COL4A2: variants seen among roughly 807,000 people sequenced by gnomAD.
COL4A2 encodes collagen type IV alpha 2 chain, also known as collagen alpha-2(IV) chain.
In COL4A2, 99 loss-of-function variants were observed where a neutral mutation model predicts 200.2. The observed-to-expected ratio is 0.49, with a 90% CI of 0.42 to 0.58. The LOEUF is 0.58. Among genes scored for constraint, COL4A2 ranks in the 20% least tolerant of loss-of-function variants. The probability of loss-of-function intolerance (pLI) is 0.00; values close to 1 mark genes in which losing one functional copy is unlikely to be tolerated. For synonymous variants in COL4A2, 897 were observed against 900.6 expected (o/e 1.00, Z 0.07); for missense variants, 1,950 against 2,314.1 (o/e 0.84, Z 3.23).
chr13:110,503,307 C>T, intron 42 of COL4A2, 25 bp downstream of exon 42: 1 of 1,594,584 alleles, frequency 6.3e-7, no homozygotes, highest in Non-Finnish European at 8.5e-7. Flanking sequence ...GGCCATGGGC[C>T]AGCAGCCCTG....
intron 4 of COL4A2, among the ~76,000 whole-genome samples, chr13:110,389,739 A>G (rs927434277): frequency 4.6e-5 from 7 of 152,188 alleles, no homozygotes; most frequent in African/African-American, 1.7e-4. Context: ...GCTGCTGTTC[A>G]GGGCCTCCTT....
rs77189736 is a variant in COL4A2, at chr13:110,385,609, A to G, written c.180+28057A>G. Reference sequence around the variant, plus strand: ...TAGGCCGTGGTTACAGTGTGTGGATAGGCCGTGGCTACAGTGTGTGGATAG... The same window carrying G: ...TAGGCCGTGGTTACAGTGTGTGGATGGGCCGTGGCTACAGTGTGTGGATAG... On this transcript the variant is annotated intron_variant, in intron 4 of 47. Coordinates refer to ENST00000360467, the MANE Select transcript of COL4A2 (RefSeq NM_001846.4). Among the ~76,000 whole-genome samples, 39 of 47,420 alleles carry G rather than the reference A, an allele frequency of 8.2e-4. 17 individuals carry two copies. The highest frequency in any genetic ancestry group is 1.2e-3 in the Non-Finnish European group (22 of 18,482). 31.1% of individuals were successfully genotyped at this position (47,420 alleles called of 152,430 possible).
intron 4 of COL4A2, among the ~76,000 whole-genome samples, chr13:110,415,468 G>A (rs1880004583): frequency 6.6e-6 from 1 of 152,024 alleles, no homozygotes; most frequent in Non-Finnish European, 1.5e-5. Context: ...AGATAAGAGG[G>A]GAAAAAAGCT....
chr13:110,423,959 C>A (rs944017660), intron 4 of COL4A2, among the ~76,000 whole-genome samples: 4 of 152,182 alleles, frequency 2.6e-5, no homozygotes, highest in African/African-American at 9.7e-5. Flanking sequence ...TTGTTGGACA[C>A]TTGAGTGGTT....
At chr13:110,393,294 T>A (rs762871941) in intron 4 of COL4A2, among the ~76,000 whole-genome samples, 1 of 152,228 alleles carries the variant, frequency 6.6e-6, no homozygotes, top group African/African-American at 2.4e-5. Flanking sequence ...AACCTTTCGC[T>A]GGCTCAATTT....
intron 16 of COL4A2, among the ~76,000 whole-genome samples, chr13:110,440,296 A>T (rs1466095366): frequency 6.6e-6 from 1 of 152,108 alleles, no homozygotes; most frequent in Non-Finnish European, 1.5e-5. Flanking sequence ...GAAAAATGTT[A>T]TGTAAGAAAT....
intron 46 of COL4A2, among the ~76,000 whole-genome samples, chr13:110,506,996 C>T (rs1594117261): frequency 6.6e-6 from 1 of 152,302 alleles, no homozygotes; most frequent in East Asian, 1.9e-4. Context: ...GTAAGACTCT[C>T]CCATACAGCC....
At chr13:110,509,270 T>TATATATACACACACACACACACACACAC (rs1435137108) in intron 47 of COL4A2, among the ~76,000 whole-genome samples, 9 of 115,576 alleles carry the variant, frequency 7.8e-5, no homozygotes, top group African/African-American at 2.8e-4. Flanking sequence ...TATATATATA[T>TATATATACACACACACACACACACACAC]ACACACACAC....
At chr13:110,434,529 G>A in intron 12 of COL4A2, 87 bp downstream of exon 12, 3 of 1,408,870 alleles carry the variant, frequency 2.1e-6, no homozygotes, top group Non-Finnish European at 2.0e-6. Context: ...GTTCTGTGCT[G>A]TAAAACTTTT....
chr13:110,502,173 C>A (rs1408101349), intron 41 of COL4A2, among the ~76,000 whole-genome samples: 3 of 152,178 alleles, frequency 2.0e-5, no homozygotes, highest in Non-Finnish European at 4.4e-5. Flanking sequence ...ACCCGTCAAA[C>A]AAGTGTTTGT....
At chr13:110,438,512 C>CG in intron 14 of COL4A2, 106 bp from the exon 15 acceptor site, 1 of 1,443,384 alleles carries the variant, frequency 6.9e-7, no homozygotes, top group East Asian at 2.3e-5. Context: ...TGGACACCAT[C>CG]GGGGCTGAGA....
At chr13:110,482,737 C>A (rs892620396) in intron 32 of COL4A2, 78 bp downstream of exon 32, 50 of 1,473,780 alleles carry the variant, frequency 3.4e-5, no homozygotes, top group Non-Finnish European at 4.2e-5. Context: ...CATAACATTG[C>A]CCAGAATGAA....
chr13:110,375,453 T>C (rs181414639), intron 4 of COL4A2, among the ~76,000 whole-genome samples: 2 of 152,246 alleles, frequency 1.3e-5, no homozygotes, highest in East Asian at 1.9e-4. Flanking sequence ...GCAGGGACTG[T>C]TGGGTTTGTG....
In COL4A2 at chr13:110,307,971, C is replaced by T. The variant is rs541822832; in HGVS notation, c.44+24C>T. 1.9e-6 allele frequency: 3 copies of T among 1,612,366 alleles called. No individual in the cohort carries two copies. Among genetic ancestry groups the T allele is most frequent in the East Asian group, 2.2e-5 (1 of 44,838 alleles). On this transcript the variant is annotated intron_variant, in intron 2 of 47. Transcript: ENST00000360467. The surrounding 1 kb of genome is among the most constrained non-coding windows in gnomAD (Gnocchi z 5.0). Reference sequence around the variant, plus strand: ...CGGTAAGCGACTTTCTGCCTGGTCCCCGTGGGTCACGCGCGCATGGACCCT... The same window carrying T: ...CGGTAAGCGACTTTCTGCCTGGTCCTCGTGGGTCACGCGCGCATGGACCCT...
intron 4 of COL4A2, among the ~76,000 whole-genome samples, chr13:110,403,884 C>T (rs1276439809): frequency 1.3e-5 from 2 of 152,312 alleles, no homozygotes; most frequent in Non-Finnish European, 1.5e-5. Flanking sequence ...CATAGTTCTG[C>T]AGGCTGGGAA....
intron 15 of COL4A2, 136 bp downstream of exon 15, chr13:110,438,804 C>CT: frequency 1.1e-5 from 7 of 650,624 alleles, no homozygotes; most frequent in Non-Finnish European, 1.7e-5. Context: ...TACTCCCCAC[C>CT]CCCCCCCACA....
At chr13:110,409,162 CAT>C (rs1376022346) in intron 4 of COL4A2, among the ~76,000 whole-genome samples, 2 of 152,092 alleles carry the variant, frequency 1.3e-5, no homozygotes, top group Non-Finnish European at 2.9e-5. Context: ...CACACATGCA[CAT>C]ATACACATGT....
rs549984895 is a variant in COL4A2 at position 110,312,234 on chromosome 13, G to A, written c.99+4111G>A. On this transcript the variant is annotated intron_variant, in intron 3 of 47. Coordinates refer to ENST00000360467, the MANE Select transcript of COL4A2 (RefSeq NM_001846.4). ...TGGGTGGCTTGTAGGACTTGGCCAC[G>A]ATAAATAATAGCAGAGATTTGTCAG... Among the ~76,000 whole-genome samples, 6 of 152,284 alleles carry A rather than the reference G, an allele frequency of 3.9e-5. No homozygotes were observed. The South Asian group carries it at 6.2e-4, about 16-fold the overall frequency.
chr13:110,434,724 G>C lies in COL4A2; in HGVS notation c.726+282G>C, dbSNP rs1225519362. On this transcript the variant is annotated intron_variant, in intron 12 of 47. Transcript: ENST00000360467. Reference sequence around the variant, plus strand: ...CTCATCTTCAGAAGGTGGAGGTGAGGACATGTCACTGAGTGCATCTTCTCC... The same window carrying C: ...CTCATCTTCAGAAGGTGGAGGTGAGCACATGTCACTGAGTGCATCTTCTCC... 3.1e-4 allele frequency among the ~76,000 whole-genome samples: 47 copies of C among 152,304 alleles called. 1 individual carries two copies. Among genetic ancestry groups the C allele is most frequent in the Non-Finnish European group, 5.9e-5 (4 of 68,020 alleles).
Sources: allele counts gnomAD v4.1 joint callset (sites outside exome capture counted in the v4.1 genomes callset), GRCh38; gene constraint gnomAD v4.1.1; non-coding constraint Gnocchi (gnomAD v3.1); transcripts MANE v1.5; gene names NCBI Gene and HGNC (gene_info 2026-07-23, HGNC 2026-07-21).